SYTL1: variants seen among roughly 807,000 people sequenced by gnomAD.
SYTL1 encodes the protein synaptotagmin-like protein 1.
A neutral mutation model predicts 74.6 loss-of-function variants in SYTL1; 53 were observed. The ratio of observed to expected loss-of-function variants is 0.71; its 90% CI spans 0.57 to 0.89. SYTL1 has a LOEUF of 0.89. SYTL1 is among the 40% of genes least tolerant of loss of function. SYTL1 has a pLI of 0.00. For synonymous variants in SYTL1, 329 were observed against 324.9 expected (o/e 1.01, Z -0.14); for missense variants, 728 against 768.7 (o/e 0.95, Z 0.63).
At position 27,347,723 on chromosome 1, in the gene SYTL1, G is replaced by A. The variant is rs751996241; in HGVS notation, c.341-85G>A. 1.3e-6 allele frequency: 2 copies of A among 1,518,932 alleles called. No homozygotes were observed. Among genetic ancestry groups the A allele is most frequent in the Non-Finnish European group, 1.8e-6 (2 of 1,117,886 alleles). The allele number at this position is 1,518,932 out of a possible 1,614,324, so 94.1% of individuals were successfully genotyped here. On this transcript the variant is annotated intron_variant, in intron 3 of 14. Coordinates refer to ENST00000616558, the MANE Select transcript of SYTL1 (RefSeq NM_001193308.2). This position sits in a 1 kb window ranked among gnomAD's most constrained non-coding sequence, Gnocchi z 4.9. ...CAATGCCCCTCCGTGGGCATGGGGT[G>A]GGTGGGTATCTCCCAGGGCCTCTCC...
chr1:27,351,431 G>T lies in SYTL1; in HGVS notation c.1244-25G>T. On this transcript the variant is annotated intron_variant, in intron 12 of 14. Coordinates refer to ENST00000616558, the MANE Select transcript of SYTL1 (RefSeq NM_001193308.2). The surrounding 1 kb of genome is among the most constrained non-coding windows in gnomAD (Gnocchi z 5.0). ...GGGGCGGTGGACTCCATCCGTGTGC[G>T]GGCCTGAGCCGAGCCTCTCCGCAGG... The T allele has an allele frequency of 6.6e-7, 1 of 1,508,114 alleles. No homozygotes were observed. Among genetic ancestry groups the T allele is most frequent in the South Asian group, 1.3e-5 (1 of 78,652 alleles). 93.4% of individuals were successfully genotyped at this position (1,508,114 alleles called of 1,614,324 possible). A position where few individuals can be genotyped will look rare whatever the true frequency, so the allele number is the denominator to read the frequency against.
chr1:27,346,347 C>T (rs2015002488), intron 2 of SYTL1, among the ~76,000 whole-genome samples: 1 of 152,192 alleles, frequency 6.6e-6, no homozygotes, highest in South Asian at 2.1e-4. Context: ...AGAGCATGGG[C>T]GTTACAAGCA....
chr1:27,350,344 G>T lies in SYTL1; in HGVS notation c.909-45G>T, dbSNP rs749382341. ...GGGGGAGCCCACAGGCAGGGGAGAAGGCTCTGGGAGGGCCCCTCCTCACCT... is the reference window on the plus strand; with the variant it reads ...GGGGGAGCCCACAGGCAGGGGAGAATGCTCTGGGAGGGCCCCTCCTCACCT... On this transcript the variant is annotated intron_variant, in intron 9 of 14. Coordinates refer to ENST00000616558, the MANE Select transcript of SYTL1 (RefSeq NM_001193308.2). This position sits in a 1 kb window ranked among gnomAD's most constrained non-coding sequence, Gnocchi z 6.3. The T allele has an allele frequency of 6.4e-7, 1 of 1,573,136 alleles. No homozygotes were observed. Among genetic ancestry groups the T allele is most frequent in the African/African-American group, 1.3e-5 (1 of 74,180 alleles).
In SYTL1 at chr1:27,347,569, G is replaced by A. The variant is rs758975524; in HGVS notation, c.340G>A (p.Gly114Arg). ...ASMRRKKSTR[G>R]DQAPGHDREA... ...TATGCGCAGGAAGAAGAGCACCAGG[G>A]GTGAGAGGAGATCCTCGGGGCAGGG... Residue 114 changes from glycine (G) to arginine (R), a missense_variant and splice_region_variant, in exon 3 of 15, where the codon GGA becomes AGA. By Grantham distance (125) the Gly-to-Arg change is moderately radical. Coordinates refer to ENST00000616558, the MANE Select transcript of SYTL1 (RefSeq NM_001193308.2). This position sits in a 1 kb window ranked among gnomAD's most constrained non-coding sequence, Gnocchi z 4.9. 2 of 1,613,864 alleles carry A rather than the reference G, an allele frequency of 1.2e-6. No homozygotes were observed.
In SYTL1 at chr1:27,349,772, C is replaced by T; in HGVS notation, c.747+7C>T. 3.1e-6 allele frequency: 5 copies of T among 1,592,086 alleles called. No homozygotes were observed. The highest frequency in any genetic ancestry group is 3.4e-6 in the Non-Finnish European group (4 of 1,174,908). ...CAGCCTTAACTCCTCCACGGTGAGG[C>T]GGGAGGGAGGGGACCCGGGCGGCCG... On this transcript the variant is annotated splice_region_variant and intron_variant, in intron 8 of 14. Coordinates refer to ENST00000616558, the MANE Select transcript of SYTL1 (RefSeq NM_001193308.2).
At chr1:27,344,650 G>A (rs1349383933) in intron 1 of SYTL1, among the ~76,000 whole-genome samples, 2 of 150,302 alleles carry the variant, frequency 1.3e-5, no homozygotes, top group Non-Finnish European at 3.0e-5. Flanking sequence ...AGGAGTTCGA[G>A]GCCAGCCTGG....
chr1:27,349,913 C>G, intron 8 of SYTL1, 59 bp from the exon 9 acceptor site: 1 of 1,549,132 alleles, frequency 6.5e-7, no homozygotes. Flanking sequence ...TCCGCGCTGC[C>G]CGCGGCCCCG....
intron 1 of SYTL1, chr1:27,344,925 C>A (rs2014933309): frequency 6.4e-6 from 1 of 155,476 alleles, no homozygotes; most frequent in South Asian, 2.0e-4. Flanking sequence ...TGCAGAGGGC[C>A]CTTTCTGGGG....
Position 27,343,987 on chromosome 1 carries a change from A to G in SYTL1, c.-38-1310A>G, listed in dbSNP as rs1179256924. Among the ~76,000 whole-genome samples, 3 of 152,180 alleles carry G rather than the reference A, an allele frequency of 2.0e-5. No homozygotes were observed. Among genetic ancestry groups the G allele is most frequent in the Non-Finnish European group, 2.9e-5 (2 of 68,020 alleles). ...CTCACTCTTGCCCAGGCTGGAGTGC[A>G]GTGGCGCCATCTCAGCTCACTGCAA... On this transcript the variant is annotated intron_variant, in intron 1 of 14. Transcript: ENST00000616558. The surrounding 1 kb of genome is among the most constrained non-coding windows in gnomAD (Gnocchi z 5.2).
rs1432844428 is a variant in SYTL1 at position 27,350,255 on chromosome 1, T to C, written c.908+123T>C. 6.7e-7 allele frequency: 1 copy of C among 1,492,736 alleles called. No individual in the cohort carries two copies. The highest frequency in any genetic ancestry group is 9.3e-7 in the Non-Finnish European group (1 of 1,076,312). 92.5% of individuals were successfully genotyped at this position (1,492,736 alleles called of 1,614,324 possible). On this transcript the variant is annotated intron_variant, in intron 9 of 14. Coordinates refer to ENST00000616558, the MANE Select transcript of SYTL1 (RefSeq NM_001193308.2). The surrounding 1 kb of genome is among the most constrained non-coding windows in gnomAD (Gnocchi z 6.3). ...AACAGCGTTATTGGGAGGCGTGCGA[T>C]TAAGCGAGACAATCCCTGTAAAGCG...
chr1:27,342,316 CTGTCCCACCG>C lies in SYTL1; in HGVS notation c.-39+171_-39+180del. 1.0e-6 allele frequency: 1 copy of C among 985,136 alleles called. No individual in the cohort carries two copies. The highest frequency in any genetic ancestry group is 1.2e-6 in the Non-Finnish European group (1 of 829,628). The allele number at this position is 985,136 out of a possible 1,614,324, so 61.0% of individuals were successfully genotyped here. A position where few individuals can be genotyped will look rare whatever the true frequency, so the allele number is the denominator to read the frequency against. ...CAGACCCTCCTCTTGACCAATGGGT[CTGTCCCACCG>C]TGTCAAAACAGCAGAGAAGACCAAA... On this transcript the variant is annotated intron_variant, in intron 1 of 14. Coordinates refer to ENST00000616558, the MANE Select transcript of SYTL1 (RefSeq NM_001193308.2). The surrounding 1 kb of genome is among the most constrained non-coding windows in gnomAD (Gnocchi z 4.7).
rs781180842 is a variant in SYTL1 at position 27,347,466 on chromosome 1, G to A, written c.237G>A (p.Leu79=). The change falls in exon 3 of 15, where the codon CTG becomes CTA. Residue 79 remains leucine, a synonymous_variant. Coordinates refer to ENST00000616558, the MANE Select transcript of SYTL1 (RefSeq NM_001193308.2). The surrounding 1 kb of genome is among the most constrained non-coding windows in gnomAD (Gnocchi z 4.9). ...CAGACCCTGGGCAGCTGAAGATCCT[G>A]ACAGGGGACTGGTTCCAGGAAGCAC... ...SVADPGQLKI[L]TGDWFQEARS... The A allele has an allele frequency of 5.6e-6, 9 of 1,614,112 alleles. No individual in the cohort carries two copies. The highest frequency in any genetic ancestry group is 7.6e-6 in the Non-Finnish European group (9 of 1,180,036).
intron 13 of SYTL1, chr1:27,352,850 A>T (rs1428834786): frequency 5.2e-6 from 1 of 190,804 alleles, no homozygotes; most frequent in African/African-American, 2.4e-5. Context: ...CAGTGGTGTG[A>T]TTTCAGCTCA....
At chr1:27,349,906 G>C (rs752362325) in intron 8 of SYTL1, 66 bp from the exon 9 acceptor site, 5 of 1,545,482 alleles carry the variant, frequency 3.2e-6, no homozygotes, top group African/African-American at 1.4e-5. Flanking sequence ...TGAAGCCTCC[G>C]CGCTGCCCGC....
chr1:27,348,102 A>C lies in SYTL1; in HGVS notation c.459+90A>C. The C allele has an allele frequency of 7.9e-7, 1 of 1,272,708 alleles. No homozygotes were observed. The highest frequency in any genetic ancestry group is 1.1e-6 in the Non-Finnish European group (1 of 873,270). 78.8% of individuals were successfully genotyped at this position (1,272,708 alleles called of 1,614,324 possible). A position where few individuals can be genotyped will look rare whatever the true frequency, so the allele number is the denominator to read the frequency against. On this transcript the variant is annotated intron_variant, in intron 5 of 14. Transcript: ENST00000616558. The surrounding 1 kb of genome is among the most constrained non-coding windows in gnomAD (Gnocchi z 4.1). ...AGGGGGGAAAGAGCCCCAGCCTGGG[A>C]ATGGGGAGACCCTGGAAATGTTCCT...
rs1194248181 is a variant in SYTL1 at position 27,342,981 on chromosome 1, T to G, written c.-39+831T>G. Among the ~76,000 whole-genome samples the G allele has an allele frequency of 6.6e-6, 1 of 152,238 alleles. No homozygotes were observed. The highest frequency in any genetic ancestry group is 6.5e-5 in the Admixed American group (1 of 15,290). On this transcript the variant is annotated intron_variant, in intron 1 of 14. Transcript: ENST00000616558. This position sits in a 1 kb window ranked among gnomAD's most constrained non-coding sequence, Gnocchi z 4.7. ...AGAGTGAATGCACACCGTGCAGCCGTGCTGAGGCCTTCTGCTCCTGAGGGT... is the reference window on the plus strand; with the variant it reads ...AGAGTGAATGCACACCGTGCAGCCGGGCTGAGGCCTTCTGCTCCTGAGGGT...
Position 27,349,565 on chromosome 1 carries a change from C to T in SYTL1, c.633+67C>T, listed in dbSNP as rs1396704192. On this transcript the variant is annotated intron_variant, in intron 7 of 14. Coordinates refer to ENST00000616558, the MANE Select transcript of SYTL1 (RefSeq NM_001193308.2). ...GGACTCCGGGCGGGGAGCGCTCCTGCCCAGGGCTGCGAGCCGCCCGCGACC... is the reference window on the plus strand; with the variant it reads ...GGACTCCGGGCGGGGAGCGCTCCTGTCCAGGGCTGCGAGCCGCCCGCGACC... 2.7e-6 allele frequency: 4 copies of T among 1,503,628 alleles called. No individual in the cohort carries two copies. The East Asian group carries it at 7.5e-5, about 28-fold the overall frequency. 93.1% of individuals were successfully genotyped at this position (1,503,628 alleles called of 1,614,324 possible). A position where few individuals can be genotyped will look rare whatever the true frequency, so the allele number is the denominator to read the frequency against.
intron 13 of SYTL1, 135 bp from the exon 14 acceptor site, chr1:27,353,148 G>GT: frequency 1.2e-6 from 1 of 867,336 alleles, no homozygotes; most frequent in South Asian, 1.6e-5. Flanking sequence ...TCCCAGGGCA[G>GT]TGAGGGTCTA....
In SYTL1 at chr1:27,345,708, C is replaced by T. The variant is rs533930744; in HGVS notation, c.191+183C>T. On this transcript the variant is annotated intron_variant, in intron 2 of 14. Coordinates refer to ENST00000616558, the MANE Select transcript of SYTL1 (RefSeq NM_001193308.2). The surrounding 1 kb of genome is among the most constrained non-coding windows in gnomAD (Gnocchi z 6.0). ...CCAGGGGTGACTGCACCAGCTTTCT[C>T]GCCAGCCTCCCTGCCTCCAGGCTTG... is the stretch of plus-strand genomic sequence containing the variant. 1.3e-5 allele frequency among the ~76,000 whole-genome samples: 2 copies of T among 152,274 alleles called. No homozygotes were observed. The highest frequency in any genetic ancestry group is 2.1e-4 in the South Asian group (1 of 4,824).
Sources: allele counts gnomAD v4.1 joint callset (sites outside exome capture counted in the v4.1 genomes callset), GRCh38; gene constraint gnomAD v4.1.1; non-coding constraint Gnocchi (gnomAD v3.1); transcripts MANE v1.5; gene names NCBI Gene and HGNC (gene_info 2026-07-23, HGNC 2026-07-21).